Variants in OR2C1 observed in about 807,000 individuals in gnomAD.
OR2C1 encodes olfactory receptor family 2 subfamily C member 1.
For synonymous variants in OR2C1, 209 were observed against 167.3 expected (o/e 1.25, Z -1.92); for missense variants, 468 against 388.3 (o/e 1.21, Z -1.73).
chr16:3,349,417 G>T, the OR2C1 span, among the ~76,000 whole-genome samples: 4 of 152,076 alleles, frequency 2.6e-5, no homozygotes, highest in Middle Eastern at 6.3e-3. Flanking sequence ...TTCCAACTGC[G>T]ACCCAGTGCT....
the OR2C1 span, among the ~76,000 whole-genome samples, chr16:3,346,743 C>G: frequency 1.0e-3 from 156 of 150,408 alleles, 1 homozygote; most frequent in African/African-American, 3.4e-3. Flanking sequence ...AATTTTCCTG[C>G]CTCAGCCTCC....
At chr16:3,345,256 C>T in the OR2C1 span, among the ~76,000 whole-genome samples, 2 of 151,694 alleles carry the variant, frequency 1.3e-5, no homozygotes, top group Non-Finnish European at 2.9e-5. Context: ...ATCATGAGGT[C>T]GGCAGATCAC....
the OR2C1 span, chr16:3,323,391 TC>T: frequency 1.2e-6 from 1 of 849,928 alleles, no homozygotes; most frequent in Non-Finnish European, 2.0e-6. Context: ...ACACCAAACT[TC>T]CCCAGGTGCT....
chr16:3,330,879 C>A, the OR2C1 span, among the ~76,000 whole-genome samples: 1 of 152,104 alleles, frequency 6.6e-6, no homozygotes, highest in Admixed American at 6.5e-5. Flanking sequence ...GTGGCTAGGA[C>A]TACAGGTGTG....
chr16:3,340,891 T>C, the OR2C1 span, among the ~76,000 whole-genome samples: 1 of 152,098 alleles, frequency 6.6e-6, no homozygotes, highest in Admixed American at 6.6e-5. Context: ...GCAGTGTGAC[T>C]CCTCCCACTT....
chr16:3,334,221 T>G, the OR2C1 span, among the ~76,000 whole-genome samples: 18 of 151,600 alleles, frequency 1.2e-4, no homozygotes, highest in East Asian at 2.9e-3. Flanking sequence ...CACTGCAACT[T>G]CCGCCTCCCG....
chr16:3,323,218 A>G, the OR2C1 span: 2 of 743,176 alleles, frequency 2.7e-6, no homozygotes, highest in Non-Finnish European at 4.8e-6. Flanking sequence ...TGATTGATGC[A>G]TTCACCCCAA....
At chr16:3,324,379 A>G in the OR2C1 span, among the ~76,000 whole-genome samples, 1 of 152,130 alleles carries the variant, frequency 6.6e-6, no homozygotes, top group African/African-American at 2.4e-5. Flanking sequence ...TAATAGAGAT[A>G]GGGTTTCAAC....
chr16:3,327,358 A>G, the OR2C1 span, among the ~76,000 whole-genome samples: 1 of 152,012 alleles, frequency 6.6e-6, no homozygotes, highest in Non-Finnish European at 1.5e-5. Context: ...ATTCTTGACA[A>G]TCTCTGCCCT....
chr16:3,345,091 C>T, the OR2C1 span, among the ~76,000 whole-genome samples: 7 of 152,108 alleles, frequency 4.6e-5, no homozygotes, highest in South Asian at 1.5e-3. Flanking sequence ...TCATTAGAAA[C>T]ATGAAACTAA....
At chr16:3,329,169 G>GACACACACACACACACAC in the OR2C1 span, among the ~76,000 whole-genome samples, 977 of 115,124 alleles carry the variant, frequency 8.5e-3, 32 homozygotes, top group East Asian at 0.03. Context: ...TGGGAGGGAA[G>GACACACACACACACACAC]ACACACACAC....
rs142871337 is a variant in OR2C1 at position 3,356,438 on chromosome 16, C to T, written c.498C>T (p.Leu166=). Reference sequence around the variant, plus strand: ...TCCAGTCAACATTCACTCTGCAGCTCCCATTGTGTGGGCACCGGAGGGTGG... The same window carrying T: ...TCCAGTCAACATTCACTCTGCAGCTTCCATTGTGTGGGCACCGGAGGGTGG... ...SVIQSTFTLQ[L]PLCGHRRVEG... Residue 166 remains leucine, a synonymous_variant, in exon 1 of 1, where the codon CTC becomes CTT. Coordinates refer to ENST00000304936, the MANE Select transcript of OR2C1 (RefSeq NM_012368.3). 6.2e-6 allele frequency: 10 copies of T among 1,613,880 alleles called. No homozygotes were observed. The African/African-American group carries it at 9.3e-5, about 15-fold the overall frequency.
the OR2C1 span, among the ~76,000 whole-genome samples, chr16:3,334,556 G>A: frequency 2.7e-5 from 4 of 149,318 alleles, no homozygotes; most frequent in African/African-American, 7.4e-5. Flanking sequence ...GGTATTGGGA[G>A]GCCAAGCTGG....
the OR2C1 span, among the ~76,000 whole-genome samples, chr16:3,344,366 C>G: frequency 6.6e-6 from 1 of 152,172 alleles, no homozygotes; most frequent in African/African-American, 2.4e-5. Flanking sequence ...TGTCCAACCT[C>G]ATTAGTAATC....
At chr16:3,347,862 G>A in the OR2C1 span, among the ~76,000 whole-genome samples, 20 of 34,954 alleles carry the variant, frequency 5.7e-4, no homozygotes, top group Admixed American at 2.7e-3. Context: ...GCACACACGC[G>A]CACACACACA....
At position 3,356,406 on chromosome 16, in the gene OR2C1, T is replaced by C; in HGVS notation, c.466T>C (p.Ser156Pro). Residue 156 changes from serine (S) to proline (P), a missense_variant, in exon 1 of 1, where the codon TCT becomes CCT. By Grantham distance (74) the Ser-to-Pro change is moderately conservative. Transcript: ENST00000304936. ...TGCCTGCCTGGGTGGCTTGGGCAACTCTGTGATCCAGTCAACATTCACTCT... is the reference window on the plus strand; with the variant it reads ...TGCCTGCCTGGGTGGCTTGGGCAACCCTGTGATCCAGTCAACATTCACTCT... ...VIACLGGLGN[S>P]VIQSTFTLQL... 6.2e-7 allele frequency: 1 copy of C among 1,613,828 alleles called. No individual in the cohort carries two copies. Among genetic ancestry groups the C allele is most frequent in the Non-Finnish European group, 8.5e-7 (1 of 1,180,026 alleles).
chr16:3,329,523 C>G, the OR2C1 span, among the ~76,000 whole-genome samples: 1 of 152,060 alleles, frequency 6.6e-6, no homozygotes, highest in South Asian at 2.1e-4. Flanking sequence ...GATCTCAGCT[C>G]ACTGCAAGCT....
the OR2C1 span, among the ~76,000 whole-genome samples, chr16:3,330,189 C>T: frequency 1.3e-5 from 2 of 150,670 alleles, no homozygotes; most frequent in East Asian, 3.9e-4. Context: ...CCACTGCAAG[C>T]TCTGCCTTCC....
the OR2C1 span, among the ~76,000 whole-genome samples, chr16:3,342,711 C>A: frequency 6.6e-6 from 1 of 152,108 alleles, no homozygotes. Context: ...AACCCTGTCT[C>A]TACTAAAAAT....
Sources: gnomAD v4.1 joint callset for allele counts (sites outside exome capture counted in the v4.1 genomes callset) on GRCh38, gnomAD v4.1.1 for gene constraint, MANE v1.5 for transcripts, NCBI Gene and HGNC (gene_info 2026-07-23, HGNC 2026-07-21) for gene names.